The following PCM1 variants were observed in gnomAD, a reference collection of about 807,000 sequenced individuals.
PCM1 encodes pericentriolar material 1 protein.
Under a neutral mutation model 241.9 loss-of-function variants are expected in PCM1, and 157 were observed. The ratio of observed to expected loss-of-function variants is 0.65; its 90% CI spans 0.57 to 0.74. The LOEUF (loss-of-function observed/expected upper bound fraction) is 0.74. PCM1 is among the 30% of genes least tolerant of loss of function. The pLI, the probability that PCM1 is intolerant of heterozygous loss-of-function variation, is 0.00. For synonymous variants in PCM1, 1,085 were observed against 784.9 expected (o/e 1.38, Z -6.39); for missense variants, 3,478 against 2,360.1 (o/e 1.47, Z -9.81).
intron 18 of PCM1, 151 bp downstream of exon 18, chr8:17,964,919 C>G (rs2074226225): frequency 1.6e-6 from 1 of 618,776 alleles, no homozygotes; most frequent in Non-Finnish European, 2.8e-6. Flanking sequence ...GTGCAGACCC[C>G]TCAAGTTAAG....
chr8:17,943,603 G>A (rs920162226), intron 6 of PCM1, among the ~76,000 whole-genome samples: 2 of 152,040 alleles, frequency 1.3e-5, no homozygotes, highest in African/African-American at 4.8e-5. Flanking sequence ...CCTTATAAGT[G>A]ATTATTATTC....
Position 18,011,729 on chromosome 8 carries a change from G to T in PCM1, c.5413G>T (p.Asp1805Tyr), listed in dbSNP as rs1362256007. ...NYGSGEDENE[D>Y]EEMEEFEEGP... ...TGGAAGTGGAGAAGATGAAAATGAG[G>T]ATGAAGAAATGGAAGAATTTGAAGA... Residue 1805 changes from aspartate (D) to tyrosine (Y), a missense_variant, in exon 34 of 39, where the codon GAT (aspartate) becomes TAT (tyrosine). Transcript: ENST00000325083. 1 of 1,613,392 alleles carries T rather than the reference G, an allele frequency of 6.2e-7. No individual in the cohort carries two copies. The highest frequency in any genetic ancestry group is 2.2e-5 in the East Asian group (1 of 44,852).
rs1452282502 is a variant in PCM1 at position 17,939,078 on chromosome 8, A to G, written c.612+69A>G. 3.3e-6 allele frequency: 5 copies of G among 1,524,382 alleles called. No homozygotes were observed. In the South Asian group the frequency reaches 6.0e-5, roughly 18 times the overall value. 94.4% of individuals were successfully genotyped at this position (1,524,382 alleles called of 1,614,324 possible). Reference sequence around the variant, plus strand: ...AAAATACCAACAGTAAGGTTTAGAAAATTAGGTTACGCACACAGGAATTTT... The same window carrying G: ...AAAATACCAACAGTAAGGTTTAGAAGATTAGGTTACGCACACAGGAATTTT... On this transcript the variant is annotated intron_variant, in intron 5 of 38. Transcript: ENST00000325083.
At chr8:17,937,527 G>C (rs1268835102) in intron 4 of PCM1, 148 bp downstream of exon 4, 1 of 661,900 alleles carries the variant, frequency 1.5e-6, no homozygotes, top group African/African-American at 1.9e-5. Context: ...TTAATCACTG[G>C]GGATGGTCCT....
At chr8:17,929,859 C>T (rs2058408387) in intron 2 of PCM1, among the ~76,000 whole-genome samples, 1 of 152,104 alleles carries the variant, frequency 6.6e-6, no homozygotes, top group African/African-American at 2.4e-5. Flanking sequence ...ACTAATAAGA[C>T]AGAATAGTCA....
intron 9 of PCM1, among the ~76,000 whole-genome samples, chr8:17,955,013 C>A (rs2067565971): frequency 6.6e-6 from 1 of 152,024 alleles, no homozygotes; most frequent in Admixed American, 6.5e-5. Context: ...TGATGAAGAC[C>A]TAATCAGCTA....
chr8:17,961,883 A>G, intron 15 of PCM1, 151 bp from the exon 16 acceptor site: 1 of 573,964 alleles, frequency 1.7e-6, no homozygotes, highest in Admixed American at 3.8e-5. Context: ...TTCTTATTTC[A>G]TGTTATCTTC....
chr8:17,932,772 A>G (rs2059405221), intron 2 of PCM1, among the ~76,000 whole-genome samples: 1 of 151,688 alleles, frequency 6.6e-6, no homozygotes, highest in South Asian at 2.1e-4. Context: ...AAACCATTCA[A>G]TTTTCTTGTC....
chr8:18,026,167 AAC>A (rs1320604388), intron 38 of PCM1, among the ~76,000 whole-genome samples: 1,532 of 3,814 alleles, frequency 0.4, 597 homozygotes, highest in South Asian at 0.57. Context: ...CCCTCTCTGA[AAC>A]AAAAAAAAAA....
intron 2 of PCM1, among the ~76,000 whole-genome samples, chr8:17,932,706 A>T (rs34859377): frequency 0.023 from 3,491 of 152,010 alleles, 67 homozygotes; most frequent in Non-Finnish European, 0.037. Context: ...AAATCTGTTG[A>T]ACTTTTTATT....
Position 18,029,340 on chromosome 8 carries a change from G to A in PCM1, c.*1678G>A, listed in dbSNP as rs568344319. On this transcript the variant is annotated 3_prime_UTR_variant, in exon 39 of 39. Transcript: ENST00000325083. ...TCAGAAAATTACCAATTCAGAATTCGGAGTTCTTATCCAGGTGCTCTAACT... is the reference window on the plus strand; with the variant it reads ...TCAGAAAATTACCAATTCAGAATTCAGAGTTCTTATCCAGGTGCTCTAACT... 117 of 210,166 alleles carry A rather than the reference G, an allele frequency of 5.6e-4. No individual in the cohort carries two copies. Among genetic ancestry groups the A allele is most frequent in the African/African-American group, 2.4e-3 (108 of 44,152 alleles). 13.0% of individuals were successfully genotyped at this position (210,166 alleles called of 1,614,324 possible). A position where few individuals can be genotyped will look rare whatever the true frequency, so the allele number is the denominator to read the frequency against.
At position 17,952,930 on chromosome 8, in the gene PCM1, T is replaced by A. The variant is rs780231184; in HGVS notation, c.1072-40T>A. ...AAAATGAGAATGCATTTAATTGCGT[T>A]AGTCTTAATTCTTCTTTTTTGTTGT... On this transcript the variant is annotated intron_variant, in intron 8 of 38. Transcript: ENST00000325083. 5 of 1,211,586 alleles carry A rather than the reference T, an allele frequency of 4.1e-6. No individual in the cohort carries two copies. In the East Asian group the frequency reaches 1.2e-4, roughly 30 times the overall value. 75.1% of individuals were successfully genotyped at this position (1,211,586 alleles called of 1,614,324 possible).
chr8:18,010,755 G>C (rs150448377), intron 32 of PCM1, 87 bp downstream of exon 32: 11 of 845,836 alleles, frequency 1.3e-5, no homozygotes, highest in African/African-American at 3.5e-5. Context: ...GGCCAAGGCG[G>C]GTGGATCACG....
chr8:18,005,304 T>C (rs1256595638), intron 29 of PCM1, among the ~76,000 whole-genome samples: 1 of 151,918 alleles, frequency 6.6e-6, no homozygotes, highest in Admixed American at 6.6e-5. Flanking sequence ...CGTATCTGAC[T>C]CCTGCATAGT....
intron 2 of PCM1, chr8:17,934,909 C>A (rs1445114069): frequency 6.6e-6 from 1 of 152,132 alleles, no homozygotes; most frequent in Non-Finnish European, 1.5e-5. Flanking sequence ...GCAAAAACCC[C>A]ATTTTTATGG....
intron 25 of PCM1, 23 bp from the exon 26 acceptor site, chr8:17,985,936 G>C: frequency 7.1e-7 from 1 of 1,414,714 alleles, no homozygotes; most frequent in Non-Finnish European, 9.6e-7. Context: ...TTATATAAAT[G>C]ATGATCTTAT....
chr8:17,936,499 A>G (rs994924467), intron 3 of PCM1, among the ~76,000 whole-genome samples: 2 of 152,198 alleles, frequency 1.3e-5, no homozygotes, highest in Non-Finnish European at 2.9e-5. Flanking sequence ...TGAAACTATA[A>G]GCACTTTTTG....
intron 29 of PCM1, among the ~76,000 whole-genome samples, chr8:17,998,586 C>T (rs924079556): frequency 6.6e-6 from 1 of 152,196 alleles, no homozygotes; most frequent in Admixed American, 6.5e-5. Flanking sequence ...TGGTGACTTA[C>T]CACTGTGACT....
chr8:17,939,564 T>C, intron 5 of PCM1, 127 bp from the exon 6 acceptor site: 2 of 478,914 alleles, frequency 4.2e-6, no homozygotes, highest in South Asian at 5.8e-5. Context: ...ATTCACACAA[T>C]AATCCAAGTG....
Sources: allele counts gnomAD v4.1 joint callset (sites outside exome capture counted in the v4.1 genomes callset), GRCh38; gene constraint gnomAD v4.1.1; transcripts MANE v1.5; gene names NCBI Gene and HGNC (gene_info 2026-07-23, HGNC 2026-07-21).